FLNC: variants seen among roughly 807,000 people sequenced by gnomAD.
FLNC encodes the protein filamin C, also known as filamin-C.
FLNC carries 91 observed loss-of-function variants against 254.3 expected under a neutral mutation model. The observed-to-expected ratio is 0.36, with a 90% CI of 0.30 to 0.43. The LOEUF (loss-of-function observed/expected upper bound fraction) is 0.43. Ranked by LOEUF, FLNC falls within the 20% of genes least tolerant of loss-of-function variation. The pLI is 1.00. For synonymous variants in FLNC, 1,430 were observed against 1,577.2 expected, an observed-to-expected ratio of 0.91 and a Z score of 2.21; for missense variants, 2,853 against 3,802.6, an observed-to-expected ratio of 0.75 and a Z score of 6.57.
Position 128,835,159 on chromosome 7 carries a change from A to C in FLNC, c.353-167A>C, listed in dbSNP as rs1219695744. On this transcript the variant is annotated intron_variant, in intron 1 of 47. Transcript: ENST00000325888. The surrounding 1 kb of genome is among the most constrained non-coding windows in gnomAD (Gnocchi z 5.3). ...TCTGACCGGAAGGGCCCCATAAAGA[A>C]CTTGGCATCTGAGTGGGGCCTCGCA... Among the ~76,000 whole-genome samples, 1 of 151,986 alleles carries C rather than the reference A, an allele frequency of 6.6e-6. No homozygotes were observed. The highest frequency in any genetic ancestry group is 2.4e-5 in the African/African-American group (1 of 41,372).
At chr7:128,851,038 C>A in intron 33 of FLNC, 95 bp downstream of exon 33, 1 of 1,546,030 alleles carries the variant, frequency 6.5e-7, no homozygotes, top group Non-Finnish European at 8.9e-7. Flanking sequence ...ATTTATTGAG[C>A]ACCCGCTGTG....
chr7:128,837,214 G>T lies in FLNC; in HGVS notation c.656G>T (p.Arg219Leu). The change falls in exon 3 of 48, where the codon CGG (arginine) becomes CTG (leucine). Residue 219 changes from arginine (R) to leucine (L), a missense_variant. This residue lies in a region of FLNC where 115 missense variants were observed against 230.3 expected (regional missense o/e 0.50). Transcript: ENST00000325888. Reference sequence around the variant, plus strand: ...CCCAACCAGCCCGTGGAGAACGCCCGGGAGGCCATGCAGCAGGCCGACGAC... The same window carrying T: ...CCCAACCAGCCCGTGGAGAACGCCCTGGAGGCCATGCAGCAGGCCGACGAC... ...WDPNQPVENA[R>L]EAMQQADDWL... is the part of the protein sequence containing the mutation. The T allele has an allele frequency of 6.2e-7, 1 of 1,601,474 alleles. No homozygotes were observed. Among genetic ancestry groups the T allele is most frequent in the East Asian group, 2.3e-5 (1 of 44,342 alleles).
chr7:128,838,906 C>A, intron 8 of FLNC, 103 bp downstream of exon 8: 1 of 1,022,104 alleles, frequency 9.8e-7, no homozygotes, highest in Non-Finnish European at 1.5e-6. Flanking sequence ...GACCCCCTCC[C>A]TGAGTCCTCC....
rs2128935513 is a variant in FLNC at position 128,842,212 on chromosome 7, G to A, written c.2122-19G>A. 8 of 1,613,180 alleles carry A rather than the reference G, an allele frequency of 5.0e-6. No individual in the cohort carries two copies. Among genetic ancestry groups the A allele is most frequent in the Non-Finnish European group, 6.8e-6 (8 of 1,179,776 alleles). On this transcript the variant is annotated intron_variant, in intron 13 of 47. Coordinates refer to ENST00000325888, the MANE Select transcript of FLNC (RefSeq NM_001458.5). This position sits in a 1 kb window ranked among gnomAD's most constrained non-coding sequence, Gnocchi z 5.4. Reference sequence around the variant, plus strand: ...TGCAGAGGCCACAGCTATGAACTTTGCTTGGGTGATGCCCACAGGACGCCG... The same window carrying A: ...TGCAGAGGCCACAGCTATGAACTTTACTTGGGTGATGCCCACAGGACGCCG...
At chr7:128,844,574 G>A in intron 20 of FLNC, 84 bp from the exon 21 acceptor site, 1 of 1,246,600 alleles carries the variant, frequency 8.0e-7, no homozygotes, top group South Asian at 1.2e-5. Context: ...AGCCACAGTT[G>A]GAGGTGATGA....
chr7:128,842,910 C>T lies in FLNC; in HGVS notation c.2506C>T (p.Pro836Ser), dbSNP rs1422445527. The T allele has an allele frequency of 1.2e-6, 2 of 1,614,062 alleles. No homozygotes were observed. Among genetic ancestry groups the T allele is most frequent in the African/African-American group, 1.3e-5 (1 of 75,070 alleles). ...NDTFTVKYTP[P>S]GAGRYTIMVL... is the part of the protein sequence containing the mutation. The stretch of plus-strand genomic sequence containing the variant: ...CACCTTCACCGTCAAGTACACGCCA[C>T]CAGGGGCGGGCCGCTACACCATCAT... The change falls in exon 16 of 48, where the codon CCA (proline) becomes TCA (serine). Residue 836 changes from proline to serine, a missense_variant. Pro to Ser is a moderately conservative substitution (Grantham distance 74). Transcript: ENST00000325888. The surrounding 1 kb of genome is among the most constrained non-coding windows in gnomAD (Gnocchi z 5.4).
chr7:128,833,604 C>A (rs1807976694), intron 1 of FLNC, among the ~76,000 whole-genome samples: 1 of 143,702 alleles, frequency 7.0e-6, no homozygotes, highest in Non-Finnish European at 1.5e-5. Flanking sequence ...TGACCACCCT[C>A]CCCATATACA....
rs1385628312 is a variant in FLNC at position 128,849,433 on chromosome 7, C to T, written c.5054C>T (p.Pro1685Leu). 5.6e-6 allele frequency: 9 copies of T among 1,614,066 alleles called. No homozygotes were observed. Among genetic ancestry groups the T allele is most frequent in the East Asian group, 2.2e-5 (1 of 44,894 alleles). ...EGKVTCTVST[P>L]DGAELDVDVV... ...AAGGTGACATGCACGGTGTCCACGCCGGATGGGGCAGAGCTCGATGTGGAT... is the reference window on the plus strand; with the variant it reads ...AAGGTGACATGCACGGTGTCCACGCTGGATGGGGCAGAGCTCGATGTGGAT... The change falls in exon 30 of 48, where the codon CCG becomes CTG. Residue 1685 changes from proline to leucine, a missense_variant. Physicochemically the swap from Pro to Leu is moderately conservative, Grantham distance 98 (BLOSUM62 -3). Transcript: ENST00000325888.
chr7:128,837,837 G>A, intron 5 of FLNC, 82 bp downstream of exon 5: 1 of 1,404,114 alleles, frequency 7.1e-7, no homozygotes, highest in Non-Finnish European at 9.9e-7. Context: ...GAATGGCCCG[G>A]AGGTGACTGC....
Position 128,837,903 on chromosome 7 carries a change from T to A in FLNC, c.970-84T>A, listed in dbSNP as rs1368501546. 4 of 1,406,576 alleles carry A rather than the reference T, an allele frequency of 2.8e-6. No homozygotes were observed. The African/African-American group carries it at 5.7e-5, about 20-fold the overall frequency. The allele number at this position is 1,406,576 out of a possible 1,614,324, so 87.1% of individuals were successfully genotyped here. ...GGAAGGTGTCACCATGGGGGCTGAG[T>A]GGGGCTGGGGTGCATAAGGCACTGT... On this transcript the variant is annotated intron_variant, in intron 5 of 47. Transcript: ENST00000325888.
rs776540880 is a variant in FLNC at position 128,853,557 on chromosome 7, C to T, written c.6297C>T (p.Thr2099=). The T allele has an allele frequency of 1.9e-6, 3 of 1,613,948 alleles. No individual in the cohort carries two copies. The highest frequency in any genetic ancestry group is 1.3e-5 in the African/African-American group (1 of 74,956). Residue 2099 remains threonine, a synonymous_variant, in exon 38 of 48, where the codon ACC becomes ACT. Coordinates refer to ENST00000325888, the MANE Select transcript of FLNC (RefSeq NM_001458.5). ...EDMEDGTCKV[T]YCPTEPGTYI... ...TGGAGGACGGGACATGCAAAGTCAC[C>T]TACTGCCCCACCGAGCCCGGCACCT...
In FLNC at chr7:128,837,701, G is replaced by A. The variant is rs752652391; in HGVS notation, c.915G>A (p.Ala305=). 1.5e-5 allele frequency: 24 copies of A among 1,608,640 alleles called. No homozygotes were observed. The highest frequency in any genetic ancestry group is 3.4e-5 in the Admixed American group (2 of 59,480). Residue 305 remains alanine, a synonymous_variant, in exon 5 of 48, where the codon GCG becomes GCA. Coordinates refer to ENST00000325888, the MANE Select transcript of FLNC (RefSeq NM_001458.5). ...ACTTCACCGTGCAGACGGTGGACGCGGGCGTGGGCGAGGTGCTGGTCTACA... is the reference window on the plus strand; with the variant it reads ...ACTTCACCGTGCAGACGGTGGACGCAGGCGTGGGCGAGGTGCTGGTCTACA... ...PAHFTVQTVD[A]GVGEVLVYIE... is the part of the protein sequence containing the mutation.
chr7:128,857,246 A>G lies in FLNC; in HGVS notation c.7690A>G (p.Thr2564Ala). 1 of 1,613,638 alleles carries G rather than the reference A, an allele frequency of 6.2e-7. No individual in the cohort carries two copies. Among genetic ancestry groups the G allele is most frequent in the Non-Finnish European group, 8.5e-7 (1 of 1,179,818 alleles). Residue 2564 changes from threonine to alanine, a missense_variant, in exon 46 of 48, where the codon ACT (threonine) becomes GCT (alanine). Around this residue, in one of 10 missense-constraint regions of FLNC, gnomAD observed 197 missense variants for 351.5 expected, o/e 0.56. Coordinates refer to ENST00000325888, the MANE Select transcript of FLNC (RefSeq NM_001458.5). This position sits in a 1 kb window ranked among gnomAD's most constrained non-coding sequence, Gnocchi z 4.5. ...ECPEGHVVTY[T>A]PMAPGNYLIA... is the part of the protein sequence containing the mutation. ...TCCTGAGGGCCATGTGGTCACTTAT[A>G]CTCCCATGGCCCCTGGCAACTACCT...
Position 128,838,612 on chromosome 7 carries a change from C to G in FLNC, c.1220C>G (p.Thr407Ser). 1 of 1,613,012 alleles carries G rather than the reference C, an allele frequency of 6.2e-7. No individual in the cohort carries two copies. The highest frequency in any genetic ancestry group is 1.7e-4 in the Middle Eastern group (1 of 6,016). Residue 407 changes from threonine to serine, a missense_variant, in exon 8 of 48, where the codon ACT becomes AGT. Transcript: ENST00000325888. ...CCTCTGTTTTCGGCAGGGGCCGGCACTGGCGATGTTGCTGTGGTGATCGTG... is the reference window on the plus strand; with the variant it reads ...CCTCTGTTTTCGGCAGGGGCCGGCAGTGGCGATGTTGCTGTGGTGATCGTG... ...YFDIYTAGAG[T>S]GDVAVVIVDP...
rs1223831886 is a variant in FLNC, at chr7:128,857,402, G to C, written c.7780+66G>C. On this transcript the variant is annotated intron_variant, in intron 46 of 47. Transcript: ENST00000325888. The surrounding 1 kb of genome is among the most constrained non-coding windows in gnomAD (Gnocchi z 4.5). Reference sequence around the variant, plus strand: ...CAGCCCAGCCTGGAGGGCTCCGGTGGCCACGCACATCTAGGCCATAGTCTG... The same window carrying C: ...CAGCCCAGCCTGGAGGGCTCCGGTGCCCACGCACATCTAGGCCATAGTCTG... The C allele has an allele frequency of 9.6e-7, 1 of 1,042,184 alleles. No homozygotes were observed. Among genetic ancestry groups the C allele is most frequent in the Non-Finnish European group, 1.5e-6 (1 of 678,206 alleles). The allele number at this position is 1,042,184 out of a possible 1,614,324, so 64.6% of individuals were successfully genotyped here.
At chr7:128,850,602 G>C in intron 32 of FLNC, 119 bp downstream of exon 32, 2 of 1,193,318 alleles carry the variant, frequency 1.7e-6, no homozygotes, top group South Asian at 1.3e-5. Flanking sequence ...TCTACCCAGG[G>C]TCACACAGCA....
chr7:128,834,412 G>A (rs1243813853), intron 1 of FLNC, among the ~76,000 whole-genome samples: 2 of 150,206 alleles, frequency 1.3e-5, no homozygotes, highest in African/African-American at 2.5e-5. Flanking sequence ...GAGTCCCTCT[G>A]GCCCCCAGCC....
chr7:128,830,993 A>G lies in FLNC; in HGVS notation c.352+4A>G, dbSNP rs756350899. 6.2e-7 allele frequency: 1 copy of G among 1,605,436 alleles called. No individual in the cohort carries two copies. Among genetic ancestry groups the G allele is most frequent in the Admixed American group, 1.7e-5 (1 of 60,010 alleles). On this transcript the variant is annotated splice_donor_region_variant and intron_variant, in intron 1 of 47. Coordinates refer to ENST00000325888, the MANE Select transcript of FLNC (RefSeq NM_001458.5). ...CACATCAAGCTCGTGTCCATAGGTC[A>G]GTGCCGGGGGCGAGGGCACGGGCGC...
chr7:128,840,301 T>G, intron 9 of FLNC, 141 bp downstream of exon 9: 2 of 1,090,592 alleles, frequency 1.8e-6, no homozygotes, highest in South Asian at 2.8e-5. Context: ...AATCTCAGGC[T>G]CATTGTCTCC....
Sources: gnomAD v4.1 joint callset for allele counts (sites outside exome capture counted in the v4.1 genomes callset) on GRCh38, gnomAD v4.1.1 for gene constraint, gnomAD v4.1.1 regional missense constraint, Gnocchi (gnomAD v3.1) non-coding constraint, MANE v1.5 for transcripts, NCBI Gene and HGNC (gene_info 2026-07-23, HGNC 2026-07-21) for gene names.